Variants in SLC38A10 observed in about 807,000 individuals in gnomAD.
SLC38A10 encodes Sodium-coupled neutral amino acid transporter 10.
In SLC38A10, 53 loss-of-function variants were observed where a neutral mutation model predicts 81.0. The ratio of observed to expected loss-of-function variants is 0.65; its 90% CI spans 0.53 to 0.82. The LOEUF is 0.82. Ranked by LOEUF, SLC38A10 falls within the 40% of genes least tolerant of loss-of-function variation. The probability of loss-of-function intolerance (pLI) is 0.00; values close to 1 mark genes in which losing one functional copy is unlikely to be tolerated. For synonymous variants in SLC38A10, 665 were observed against 655.3 expected, an observed-to-expected ratio of 1.01 and a Z score of -0.23; for missense variants, 1,471 against 1,545.0, an observed-to-expected ratio of 0.95 and a Z score of 0.80.
At chr17:81,251,090 C>T (rs2062906224) in intron 14 of SLC38A10, 2 of 1,488,780 alleles carry the variant, frequency 1.3e-6, no homozygotes, top group East Asian at 4.6e-5. Context: ...AATAAACCTC[C>T]ACATCTGGGT....
intron 1 of SLC38A10, among the ~76,000 whole-genome samples, chr17:81,290,462 G>A (rs973672536): frequency 2.0e-5 from 3 of 152,154 alleles, no homozygotes; most frequent in East Asian, 1.9e-4. Context: ...ACCATGACAC[G>A]GATGGGACTC....
intron 6 of SLC38A10, chr17:81,280,009 G>A (rs1487897673): frequency 2.8e-6 from 1 of 353,566 alleles, no homozygotes; most frequent in South Asian, 2.1e-5. Flanking sequence ...CCCGCATGCC[G>A]ATGGTCTTTT....
rs576291980 is a variant in SLC38A10 at position 81,277,466 on chromosome 17, G to A, written c.627-333C>T. Reference sequence around the variant, plus strand: ...ACAGGGCAAGCAGCCGGAGGAGGCTGCTCAGAGAATCGCTGTCAAGAGGAG... The same window carrying A: ...ACAGGGCAAGCAGCCGGAGGAGGCTACTCAGAGAATCGCTGTCAAGAGGAG... On this transcript the variant is annotated intron_variant, in intron 6 of 15. Transcript: ENST00000374759. The surrounding 1 kb of genome is among the most constrained non-coding windows in gnomAD (Gnocchi z 4.5). Among the ~76,000 whole-genome samples the A allele has an allele frequency of 6.6e-6, 1 of 152,378 alleles. No individual in the cohort carries two copies. The highest frequency in any genetic ancestry group is 1.9e-4 in the East Asian group (1 of 5,188).
chr17:81,254,410 G>A (rs894751149), intron 11 of SLC38A10, among the ~76,000 whole-genome samples: 10 of 152,230 alleles, frequency 6.6e-5, no homozygotes, highest in African/African-American at 2.4e-4. Context: ...CTAGTTAACA[G>A]AAAGCAGACG....
chr17:81,267,931 C>G (rs973454659), intron 10 of SLC38A10, among the ~76,000 whole-genome samples: 1 of 151,630 alleles, frequency 6.6e-6, no homozygotes, highest in Non-Finnish European at 1.5e-5. Flanking sequence ...GGCACACTCA[C>G]AGGGCTGGGC....
Position 81,246,973 on chromosome 17 carries a change from C to T in SLC38A10, c.2154G>A (p.Gln718=). 3 of 1,607,148 alleles carry T rather than the reference C, an allele frequency of 1.9e-6. No individual in the cohort carries two copies. The change falls in exon 15 of 16, where the codon CAG becomes CAA. Residue 718 remains glutamine (Q), a synonymous_variant. Coordinates refer to ENST00000374759, the MANE Select transcript of SLC38A10 (RefSeq NM_001037984.3). ...CGATCACCGCCAGCAGCTTCTCCTG[C>T]TGGTCCAGCAAGCGCTTTTGCTGCA... The part of the protein sequence containing the change: ...QQVQQKRLLD[Q]QEKLLAVIEE...
In SLC38A10 at chr17:81,253,256, A is replaced by C. The variant is rs779214668; in HGVS notation, c.1289-16T>G. 1 of 1,612,922 alleles carries C rather than the reference A, an allele frequency of 6.2e-7. No homozygotes were observed. The highest frequency in any genetic ancestry group is 1.7e-5 in the Admixed American group (1 of 59,986). ...GGATCCTGGGCTGGGAGCAGGGCAC[A>C]GTTAGGGAACTGCACTGCCAAGCAG... On this transcript the variant is annotated splice_polypyrimidine_tract_variant and intron_variant, in intron 11 of 15. Transcript: ENST00000374759. The surrounding 1 kb of genome is among the most constrained non-coding windows in gnomAD (Gnocchi z 4.1).
Position 81,265,676 on chromosome 17 carries a change from G to A in SLC38A10, c.1131+5242C>T, listed in dbSNP as rs549644591. On this transcript the variant is annotated intron_variant, in intron 10 of 15. Transcript: ENST00000374759. This position sits in a 1 kb window ranked among gnomAD's most constrained non-coding sequence, Gnocchi z 4.2. The stretch of plus-strand genomic sequence containing the variant: ...GGCCAAGGCACAGATCCAGGCCTGT[G>A]CCCCTCCGTGGGCGCAGCCGGAGCC... Among the ~76,000 whole-genome samples, 14 of 152,332 alleles carry A rather than the reference G, an allele frequency of 9.2e-5. 1 individual carries two copies. The highest frequency in any genetic ancestry group is 3.1e-4 in the African/African-American group (13 of 41,574).
At position 81,283,842 on chromosome 17, in the gene SLC38A10, C is replaced by G. The variant is rs1471082745; in HGVS notation, c.264-340G>C. Reference sequence around the variant, plus strand: ...GCCAGGATGGTCTCGATCTCCTGACCTCTGTGATCCGCCTGCCTCAGCCTC... The same window carrying G: ...GCCAGGATGGTCTCGATCTCCTGACGTCTGTGATCCGCCTGCCTCAGCCTC... On this transcript the variant is annotated intron_variant, in intron 3 of 15. Coordinates refer to ENST00000374759, the MANE Select transcript of SLC38A10 (RefSeq NM_001037984.3). The surrounding 1 kb of genome is among the most constrained non-coding windows in gnomAD (Gnocchi z 4.7). 6.6e-6 allele frequency among the ~76,000 whole-genome samples: 1 copy of G among 151,412 alleles called. No homozygotes were observed. Among genetic ancestry groups the G allele is most frequent in the Non-Finnish European group, 1.5e-5 (1 of 67,846 alleles).
chr17:81,280,760 G>A (rs373117304), intron 5 of SLC38A10, 27 bp from the exon 6 acceptor site: 147 of 1,598,774 alleles, frequency 9.2e-5, no homozygotes, highest in East Asian at 6.3e-4. Flanking sequence ...GAGAGAGCAC[G>A]GGGCAGGTCA....
chr17:81,282,356 T>G, intron 4 of SLC38A10, 24 bp from the exon 5 acceptor site: 2 of 1,592,010 alleles, frequency 1.3e-6, no homozygotes, highest in Non-Finnish European at 8.5e-7. Context: ...GCAGGGGGTC[T>G]TGGCCACAGC....
chr17:81,278,696 T>C (rs142224934), intron 6 of SLC38A10, among the ~76,000 whole-genome samples: 1 of 152,236 alleles, frequency 6.6e-6, no homozygotes, highest in Non-Finnish European at 1.5e-5. Context: ...AACTTCCCAG[T>C]GCTAAACTGT....
intron 10 of SLC38A10, among the ~76,000 whole-genome samples, chr17:81,266,857 GC>G (rs2063074965): frequency 6.6e-6 from 1 of 152,194 alleles, no homozygotes; most frequent in Non-Finnish European, 1.5e-5. Flanking sequence ...GTTTCAATAA[GC>G]CCAGTTAGAC....
chr17:81,277,029 A>C lies in SLC38A10; in HGVS notation c.729+2T>G, dbSNP rs1433920516. ...GCGGAGAGGGCGTGGCAAGGCTCTT[A>C]CCATGACGTAGAAGGTGGTGACCAC... On this transcript the variant is annotated splice_donor_variant, in intron 7 of 15. Coordinates refer to ENST00000374759, the MANE Select transcript of SLC38A10 (RefSeq NM_001037984.3). LOFTEE classifies it high-confidence loss of function. The surrounding 1 kb of genome is among the most constrained non-coding windows in gnomAD (Gnocchi z 4.5). The C allele has an allele frequency of 3.7e-6, 6 of 1,613,030 alleles. No homozygotes were observed. The highest frequency in any genetic ancestry group is 5.1e-6 in the Non-Finnish European group (6 of 1,179,050).
In SLC38A10 at chr17:81,261,303, C is replaced by T. The variant is rs528851271; in HGVS notation, c.1132-909G>A. ...GGGCCCACTCCTCCCCAGTCATTCACGGGGCCACGGCAGCGGGTGCTGGTT... is the reference window on the plus strand; with the variant it reads ...GGGCCCACTCCTCCCCAGTCATTCATGGGGCCACGGCAGCGGGTGCTGGTT... On this transcript the variant is annotated intron_variant, in intron 10 of 15. Coordinates refer to ENST00000374759, the MANE Select transcript of SLC38A10 (RefSeq NM_001037984.3). 5.6e-4 allele frequency among the ~76,000 whole-genome samples: 86 copies of T among 152,340 alleles called. 2 individuals carry two copies. The highest frequency in any genetic ancestry group is 3.4e-3 in the Middle Eastern group (1 of 294).
rs2062947393 is a variant in SLC38A10 at position 81,253,881 on chromosome 17, C to CACCATCACCACT, written c.1289-653_1289-642dup. Among the ~76,000 whole-genome samples, 1 of 151,924 alleles carries CACCATCACCACT rather than the reference C, an allele frequency of 6.6e-6. No individual in the cohort carries two copies. Among genetic ancestry groups the CACCATCACCACT allele is most frequent in the Admixed American group, 6.6e-5 (1 of 15,252 alleles). ...TCCCTACCACCATCACCATCATCAT[C>CACCATCACCACT]ACCATCACCACTACCATCACCACCA... On this transcript the variant is annotated intron_variant, in intron 11 of 15. Transcript: ENST00000374759. This position sits in a 1 kb window ranked among gnomAD's most constrained non-coding sequence, Gnocchi z 4.1.
chr17:81,282,160 G>A (rs377741303), intron 5 of SLC38A10, 29 bp downstream of exon 5: 4 of 1,610,252 alleles, frequency 2.5e-6, no homozygotes, highest in Non-Finnish European at 2.5e-6. Flanking sequence ...CAGCCTTTCA[G>A]CGGGTACCCA....
intron 6 of SLC38A10, chr17:81,279,942 G>A (rs1211345996): frequency 3.4e-6 from 1 of 298,498 alleles, no homozygotes; most frequent in Non-Finnish European, 6.7e-6. Flanking sequence ...TGTCACATTA[G>A]TTTACGATTG....
Position 81,252,617 on chromosome 17 carries a change from A to C in SLC38A10, c.1523T>G (p.Val508Gly), listed in dbSNP as rs1467792421. 6.2e-7 allele frequency: 1 copy of C among 1,612,752 alleles called. No homozygotes were observed. Among genetic ancestry groups the C allele is most frequent in the Non-Finnish European group, 8.5e-7 (1 of 1,180,008 alleles). The change falls in exon 13 of 16, where the codon GTA (valine) becomes GGA (glycine). Residue 508 changes from valine (V) to glycine (G), a missense_variant. Around this residue, in one of 2 missense-constraint regions of SLC38A10, gnomAD observed 720 missense variants for 827.7 expected, o/e 0.87. Transcript: ENST00000374759. ...CACCTCTCGGTCTTGGCCTTCATCTACCACCACCTTGTCGTGAGGAACAGG... is the reference window on the plus strand; with the variant it reads ...CACCTCTCGGTCTTGGCCTTCATCTCCCACCACCTTGTCGTGAGGAACAGG... ...EPPVPHDKVV[V>G]DEGQDREVPE...
Sources: gnomAD v4.1 joint callset for allele counts (sites outside exome capture counted in the v4.1 genomes callset) on GRCh38, gnomAD v4.1.1 for gene constraint, gnomAD v4.1.1 regional missense constraint, Gnocchi (gnomAD v3.1) non-coding constraint, MANE v1.5 for transcripts, NCBI Gene and HGNC (gene_info 2026-07-23, HGNC 2026-07-21) for gene names.